DCAF16: variants seen among roughly 807,000 people sequenced by gnomAD.
DCAF16 encodes the protein DDB1- and CUL4-associated factor 16.
DCAF16 carries 10 observed loss-of-function variants against 17.3 expected under a neutral mutation model. The observed-to-expected ratio is 0.58, with a 90% CI of 0.36 to 0.98. The LOEUF (loss-of-function observed/expected upper bound fraction) is 0.98, where lower values mean the gene tolerates loss of function less well. Among genes scored for constraint, DCAF16 ranks in the 50% least tolerant of loss-of-function variants. The pLI is 0.01. For synonymous variants in DCAF16, 111 were observed against 92.8 expected (o/e 1.20, Z -1.12); for missense variants, 249 against 247.6 (o/e 1.01, Z -0.04).
At chr4:17,805,396 T>C (rs1380253328) in intron 1 of DCAF16, among the ~76,000 whole-genome samples, 171 bp from the exon 2 acceptor site, 1 of 152,086 alleles carries the variant, frequency 6.6e-6, no homozygotes, top group Non-Finnish European at 1.5e-5. Context: ...AAAAAGAATG[T>C]TATTATCAAA....
chr4:17,802,582 G>C lies in DCAF16; in HGVS notation c.*909C>G, dbSNP rs1239402006. ...GCACATCTATATAAAAGCTGGGAAA[G>C]AAATTCATATCCCTGCCATTTTCCT... On this transcript the variant is annotated 3_prime_UTR_variant, in exon 3 of 3. Coordinates refer to ENST00000382247, the MANE Select transcript of DCAF16 (RefSeq NM_017741.4). 2 of 145,826 alleles carry C rather than the reference G, an allele frequency of 1.4e-5. No homozygotes were observed. The highest frequency in any genetic ancestry group is 5.1e-5 in the African/African-American group (2 of 38,872). 9.0% of individuals were successfully genotyped at this position (145,826 alleles called of 1,614,324 possible).
At chr4:17,794,788 T>A in the DCAF16 span, among the ~76,000 whole-genome samples, 1 of 152,212 alleles carries the variant, frequency 6.6e-6, no homozygotes, top group African/African-American at 2.4e-5. Flanking sequence ...GTCAAATTTT[T>A]AAAAAACTGA....
downstream of DCAF16, chr4:17,800,564 A>G (rs1369023001): frequency 6.6e-6 from 1 of 152,622 alleles, no homozygotes; most frequent in East Asian, 1.9e-4. Context: ...TACTGTATCT[A>G]TTAACTCTAT....
chr4:17,803,758 A>G lies in DCAF16; in HGVS notation c.384T>C (p.Leu128=). The G allele has an allele frequency of 6.2e-7, 1 of 1,614,138 alleles. No homozygotes were observed. Among genetic ancestry groups the G allele is most frequent in the Non-Finnish European group, 8.5e-7 (1 of 1,180,024 alleles). Reference sequence around the variant, plus strand: ...CTCTAGAGAGCCGGCTGGGACTTGTAAGAGGCTTTTGAAAAGGTGGGACTC... The same window carrying G: ...CTCTAGAGAGCCGGCTGGGACTTGTGAGAGGCTTTTGAAAAGGTGGGACTC... The part of the protein sequence containing the change: ...SCGVPPFQKP[L]TSPSRLSRDH... The change falls in exon 3 of 3, where the codon CTT becomes CTC. Residue 128 remains leucine (L), a synonymous_variant. Transcript: ENST00000382247.
chr4:17,796,988 G>T (rs939042588), downstream of DCAF16, among the ~76,000 whole-genome samples: 1 of 152,060 alleles, frequency 6.6e-6, no homozygotes, highest in Non-Finnish European at 1.5e-5. Flanking sequence ...TTAGAGATGG[G>T]CGGTTGCTCT....
At chr4:17,796,050 CATT>C (rs1719411127), downstream of DCAF16, among the ~76,000 whole-genome samples, 1 of 152,188 alleles carries the variant, frequency 6.6e-6, no homozygotes, top group Admixed American at 6.5e-5. Flanking sequence ...ACATCACTAC[CATT>C]ACCATCCTCC....
At position 17,803,252 on chromosome 4, in the gene DCAF16, T is replaced by C. The variant is rs1719964190; in HGVS notation, c.*239A>G. 1 of 488,250 alleles carries C rather than the reference T, an allele frequency of 2.0e-6. No homozygotes were observed. The highest frequency in any genetic ancestry group is 3.7e-6 in the Non-Finnish European group (1 of 271,554). 30.2% of individuals were successfully genotyped at this position (488,250 alleles called of 1,614,324 possible). A position where few individuals can be genotyped will look rare whatever the true frequency, so the allele number is the denominator to read the frequency against. ...GTTGGCAAGGCTGGTCTCAAACTTC[T>C]GACTTCAGCAGATCCACCCGCCTCA... On this transcript the variant is annotated 3_prime_UTR_variant, in exon 3 of 3. Transcript: ENST00000382247.
Position 17,803,482 on chromosome 4 carries a change from G to T in DCAF16, c.*9C>A. On this transcript the variant is annotated 3_prime_UTR_variant, in exon 3 of 3. Transcript: ENST00000382247. ...CAACATCAGAGATATCAGAGCAAATGGTAGATCTTTACAGTGATGCAGTTA... is the reference window on the plus strand; with the variant it reads ...CAACATCAGAGATATCAGAGCAAATTGTAGATCTTTACAGTGATGCAGTTA... 1 of 1,609,732 alleles carries T rather than the reference G, an allele frequency of 6.2e-7. No individual in the cohort carries two copies.
chr4:17,795,571 T>A, the DCAF16 span, among the ~76,000 whole-genome samples: 164 of 152,318 alleles, frequency 1.1e-3, no homozygotes, highest in Non-Finnish European at 1.9e-3. Flanking sequence ...GTTCTACTTT[T>A]TAAAATTTCT....
chr4:17,799,840 G>A (rs764812975), downstream of DCAF16, among the ~76,000 whole-genome samples: 55 of 151,960 alleles, frequency 3.6e-4, no homozygotes, highest in Non-Finnish European at 6.8e-4. Flanking sequence ...CAAGGTATCT[G>A]GACTGTTTTA....
Position 17,803,542 on chromosome 4 carries a change from A to G in DCAF16, c.600T>C (p.Ser200=), listed in dbSNP as rs759658991. The change falls in exon 3 of 3, where the codon TCT becomes TCC. Residue 200 remains serine, a synonymous_variant. Coordinates refer to ENST00000382247, the MANE Select transcript of DCAF16 (RefSeq NM_017741.4). ...TAACTGCCTTTTGGAAGTCAGTGTA[A>G]GAATAAGTAGTGTTGATGGGTTCAG... ...TRTEPINTTY[S]YTDFQKAVNK... 3.1e-6 allele frequency: 5 copies of G among 1,614,090 alleles called. No individual in the cohort carries two copies. Among genetic ancestry groups the G allele is most frequent in the African/African-American group, 1.3e-5 (1 of 74,938 alleles).
chr4:17,804,147 T>C lies in DCAF16; in HGVS notation c.-6A>G, dbSNP rs766230422. ...GAGGGATTTCTAGGACCCATCAGAATAAAACACAGTAAGGAACCAGAAAAA... is the reference window on the plus strand; with the variant it reads ...GAGGGATTTCTAGGACCCATCAGAACAAAACACAGTAAGGAACCAGAAAAA... On this transcript the variant is annotated 5_prime_UTR_variant, in exon 3 of 3. Transcript: ENST00000382247. 3.1e-6 allele frequency: 5 copies of C among 1,607,552 alleles called. No homozygotes were observed. In the Admixed American group the frequency reaches 8.5e-5, roughly 27 times the overall value.
At chr4:17,807,233 A>G (rs1328291904) in intron 1 of DCAF16, among the ~76,000 whole-genome samples, 1 of 152,232 alleles carries the variant, frequency 6.6e-6, no homozygotes, top group African/African-American at 2.4e-5. Context: ...AAATGAATTT[A>G]ATCACATCAC....
At chr4:17,794,857 C>G in the DCAF16 span, among the ~76,000 whole-genome samples, 9 of 152,324 alleles carry the variant, frequency 5.9e-5, no homozygotes, top group Admixed American at 5.9e-4. Flanking sequence ...TATTTATACA[C>G]TTTCCATTGT....
chr4:17,795,879 G>A (rs565572748), downstream of DCAF16, among the ~76,000 whole-genome samples: 126 of 152,276 alleles, frequency 8.3e-4, no homozygotes, highest in African/African-American at 2.9e-3. Context: ...AATAATCGAG[G>A]GTCAAGCTGT....
At chr4:17,798,972 C>A (rs937585668), downstream of DCAF16, among the ~76,000 whole-genome samples, 1 of 152,166 alleles carries the variant, frequency 6.6e-6, no homozygotes, top group Non-Finnish European at 1.5e-5. Flanking sequence ...GTATCACTGG[C>A]GGACAGATAC....
chr4:17,803,331 T>G lies in DCAF16; in HGVS notation c.*160A>C. On this transcript the variant is annotated 3_prime_UTR_variant, in exon 3 of 3. Transcript: ENST00000382247. ...TGAGCCACCATGCCTGACCTTGATA[T>G]TATCATTTTATCCACAGGGTTTGTC... 1 of 698,256 alleles carries G rather than the reference T, an allele frequency of 1.4e-6. No individual in the cohort carries two copies. Among genetic ancestry groups the G allele is most frequent in the South Asian group, 1.8e-5 (1 of 54,084 alleles). The allele number at this position is 698,256 out of a possible 1,614,324, so 43.3% of individuals were successfully genotyped here.
At position 17,804,021 on chromosome 4, in the gene DCAF16, A is replaced by C. The variant is rs375394077; in HGVS notation, c.121T>G (p.Ser41Ala). Residue 41 changes from serine (S) to alanine (A), a missense_variant, in exon 3 of 3, where the codon TCT becomes GCT. Ser to Ala is a moderately conservative substitution (Grantham distance 99, BLOSUM62 1). Coordinates refer to ENST00000382247, the MANE Select transcript of DCAF16 (RefSeq NM_017741.4). ...EEWDSSEEEDSMVPNLSPLES... is the reference protein window; with the variant it reads ...EEWDSSEEEDAMVPNLSPLES... The stretch of plus-strand genomic sequence containing the variant: ...AGAGGCGATAAGTTGGGCACCATAG[A>C]GTCCTCTTCTTCAGAGGAATCCCAC... The C allele has an allele frequency of 1.9e-6, 3 of 1,614,090 alleles. No individual in the cohort carries two copies. Among genetic ancestry groups the C allele is most frequent in the African/African-American group, 1.3e-5 (1 of 74,938 alleles).
At chr4:17,807,824 G>T (rs1233304325) in intron 1 of DCAF16, among the ~76,000 whole-genome samples, 4 of 152,194 alleles carry the variant, frequency 2.6e-5, no homozygotes, top group African/African-American at 9.7e-5. Context: ...CAAAATCAAA[G>T]TCAGTGAACA....
Sources: gnomAD v4.1 joint callset for allele counts (sites outside exome capture counted in the v4.1 genomes callset) on GRCh38, gnomAD v4.1.1 for gene constraint, MANE v1.5 for transcripts, NCBI Gene and HGNC (gene_info 2026-07-23, HGNC 2026-07-21) for gene names.